The following MSH4 variants were observed in gnomAD, a reference collection of about 807,000 sequenced individuals.
MSH4 encodes mutS protein homolog 4.
In MSH4, 106 loss-of-function variants were observed where a neutral mutation model predicts 113.7. The ratio of observed to expected loss-of-function variants is 0.93; its 90% CI spans 0.80 to 1.10. The LOEUF is 1.10. Ranked by LOEUF, MSH4 falls within the 50% of genes least tolerant of loss-of-function variation. MSH4 has a pLI of 0.00. For synonymous variants in MSH4, 368 were observed against 380.2 expected (o/e 0.97, Z 0.37); for missense variants, 1,061 against 1,093.7 (o/e 0.97, Z 0.42).
rs569083391 is a variant in MSH4 at position 75,873,148 on chromosome 1, A to AT, written c.1306-3780dup. Among the ~76,000 whole-genome samples, 42 of 152,136 alleles carry AT rather than the reference A, an allele frequency of 2.8e-4. 1 individual carries two copies. The highest frequency in any genetic ancestry group is 9.6e-4 in the African/African-American group (40 of 41,490). ...CAAAGAGGCCTGAATCACCAGGGAC[A>AT]TTTTTTTTCCAATTGGTCTCACAAA... On this transcript the variant is annotated intron_variant, in intron 9 of 19. Coordinates refer to ENST00000263187, the MANE Select transcript of MSH4 (RefSeq NM_002440.4).
At chr1:75,822,010 G>T (rs1011046036) in intron 6 of MSH4, among the ~76,000 whole-genome samples, 2 of 152,118 alleles carry the variant, frequency 1.3e-5, no homozygotes, top group African/African-American at 2.4e-5. Context: ...GGCCAGGCGC[G>T]GTGGCTCACG....
At chr1:75,847,771 C>G (rs1037949700) in intron 7 of MSH4, among the ~76,000 whole-genome samples, 1 of 152,182 alleles carries the variant, frequency 6.6e-6, no homozygotes, top group African/African-American at 2.4e-5. Context: ...TAGTCCCTTT[C>G]TGTGTAAACT....
intron 12 of MSH4, 87 bp downstream of exon 12, chr1:75,879,215 G>A: frequency 7.8e-7 from 1 of 1,287,668 alleles, no homozygotes; most frequent in Non-Finnish European, 1.1e-6. Flanking sequence ...AGTTTTGCAA[G>A]CCAAATTTCT....
chr1:75,803,847 C>G lies in MSH4; in HGVS notation c.361C>G (p.Pro121Ala). 6.3e-7 allele frequency: 1 copy of G among 1,599,944 alleles called. No individual in the cohort carries two copies. The highest frequency in any genetic ancestry group is 8.5e-7 in the Non-Finnish European group (1 of 1,173,626). The change falls in exon 2 of 20, where the codon CCA becomes GCA. Residue 121 changes from proline to alanine, a missense_variant. Physicochemically the swap from Pro to Ala is conservative, Grantham distance 27. Transcript: ENST00000263187. ...TAATTATCCTCAAACACTTAAAACTCCATTGTCTACTGGAAATCCTCAGAG... is the reference window on the plus strand; with the variant it reads ...TAATTATCCTCAAACACTTAAAACTGCATTGTCTACTGGAAATCCTCAGAG... ...DTNYPQTLKT[P>A]LSTGNPQRSG...
chr1:75,850,148 TGCTCCTGTTCTTTATTTC>T (rs1447905909), intron 8 of MSH4, among the ~76,000 whole-genome samples: 2 of 152,104 alleles, frequency 1.3e-5, no homozygotes, highest in Admixed American at 1.3e-4. Context: ...TTCTCTTTTT[TGCTCCTGTTCTTTATTTC>T]ACTGATTTCT....
chr1:75,890,848 T>A, intron 17 of MSH4, 24 bp downstream of exon 17: 1 of 1,479,076 alleles, frequency 6.8e-7, no homozygotes, highest in Non-Finnish European at 9.3e-7. Context: ...TTAAGTATAT[T>A]GATTTTGAGT....
At chr1:75,851,987 C>A (rs1266294016) in intron 8 of MSH4, among the ~76,000 whole-genome samples, 2 of 152,198 alleles carry the variant, frequency 1.3e-5, no homozygotes, top group African/African-American at 4.8e-5. Flanking sequence ...ACATTTTAAT[C>A]ATTCCCAGAA....
chr1:75,869,522 G>C (rs1651665438), intron 9 of MSH4, among the ~76,000 whole-genome samples: 1 of 152,172 alleles, frequency 6.6e-6, no homozygotes, highest in Admixed American at 6.5e-5. Context: ...CAGAGATCTA[G>C]GAGGAAAAAA....
chr1:75,842,122 A>G (rs1650971805), intron 7 of MSH4, among the ~76,000 whole-genome samples: 1 of 152,192 alleles, frequency 6.6e-6, no homozygotes, highest in African/African-American at 2.4e-5. Context: ...AAGGCAGGAC[A>G]ACTCAAAGCA....
chr1:75,844,646 T>A (rs540386184), intron 7 of MSH4, among the ~76,000 whole-genome samples: 8 of 152,258 alleles, frequency 5.3e-5, no homozygotes, highest in South Asian at 4.1e-4. Context: ...AAAAGTTTTT[T>A]AAAAAAATAC....
intron 7 of MSH4, among the ~76,000 whole-genome samples, chr1:75,837,463 T>A (rs1264831536): frequency 1.4e-5 from 2 of 142,260 alleles, no homozygotes; most frequent in Admixed American, 1.5e-4. Context: ...CTCAGCTCAC[T>A]ACAACCTCTG....
chr1:75,858,890 G>A (rs1651385054), intron 8 of MSH4, among the ~76,000 whole-genome samples: 1 of 152,116 alleles, frequency 6.6e-6, no homozygotes, highest in South Asian at 2.1e-4. Context: ...GAATCCATCT[G>A]GTCCTGGACT....
At chr1:75,892,713 C>A (rs898870040) in intron 17 of MSH4, among the ~76,000 whole-genome samples, 4 of 152,032 alleles carry the variant, frequency 2.6e-5, no homozygotes, top group Admixed American at 2.6e-4. Context: ...ACCCAAGGGA[C>A]TTCCAGTCAC....
At position 75,901,879 on chromosome 1, in the gene MSH4, G is replaced by T. The variant is rs570847436; in HGVS notation, c.2619+2173G>T. Among the ~76,000 whole-genome samples the T allele has an allele frequency of 6.6e-5, 10 of 152,134 alleles. No homozygotes were observed. In the East Asian group the frequency reaches 1.9e-3, roughly 29 times the overall value. ...CTAGGTGAGATGATATCTCATTGTGGTTTTGATATATATTTCCTTAATGAC... is the reference window on the plus strand; with the variant it reads ...CTAGGTGAGATGATATCTCATTGTGTTTTTGATATATATTTCCTTAATGAC... On this transcript the variant is annotated intron_variant, in intron 19 of 19. Transcript: ENST00000263187.
rs759874680 is a variant in MSH4 at position 75,803,681 on chromosome 1, A to C, written c.245-50A>C. On this transcript the variant is annotated intron_variant, in intron 1 of 19. Transcript: ENST00000263187. Reference sequence around the variant, plus strand: ...TATAAATTATAATGACTAATACATCATTGCATAATTCAAATCTTTAAGAAT... The same window carrying C: ...TATAAATTATAATGACTAATACATCCTTGCATAATTCAAATCTTTAAGAAT... 5.8e-5 allele frequency: 77 copies of C among 1,317,550 alleles called. No individual in the cohort carries two copies. The African/African-American group carries it at 1.1e-3, about 18-fold the overall frequency. 81.6% of individuals were successfully genotyped at this position (1,317,550 alleles called of 1,614,324 possible).
intron 8 of MSH4, among the ~76,000 whole-genome samples, chr1:75,862,138 G>A (rs900906101): frequency 3.3e-5 from 5 of 152,134 alleles, no homozygotes; most frequent in African/African-American, 4.8e-5. Flanking sequence ...TGTGAAGACC[G>A]TGGGAAAAGT....
At chr1:75,866,501 T>A (rs1435722284) in intron 8 of MSH4, among the ~76,000 whole-genome samples, 2 of 152,206 alleles carry the variant, frequency 1.3e-5, no homozygotes, top group African/African-American at 4.8e-5. Flanking sequence ...TGATAGTTGT[T>A]TTCTGTTTAG....
chr1:75,874,495 T>A (rs901175244), intron 9 of MSH4, among the ~76,000 whole-genome samples: 1 of 152,076 alleles, frequency 6.6e-6, no homozygotes, highest in African/African-American at 2.4e-5. Flanking sequence ...GATAATTTTT[T>A]AAAATTTTAT....
chr1:75,888,990 G>A (rs1267616743), intron 15 of MSH4, among the ~76,000 whole-genome samples: 1 of 151,568 alleles, frequency 6.6e-6, no homozygotes, highest in African/African-American at 2.4e-5. Flanking sequence ...CGCCTCCCGG[G>A]TTCACGCCAT....
Sources: gnomAD v4.1 joint callset for allele counts (sites outside exome capture counted in the v4.1 genomes callset) on GRCh38, gnomAD v4.1.1 for gene constraint, MANE v1.5 for transcripts, NCBI Gene and HGNC (gene_info 2026-07-23, HGNC 2026-07-21) for gene names.